Variants in PTX3 observed in about 807,000 individuals in gnomAD.
PTX3 encodes the protein pentraxin 3, also known as pentraxin-related protein PTX3.
A neutral mutation model predicts 23.5 loss-of-function variants in PTX3; 24 were observed. The ratio of observed to expected loss-of-function variants is 1.02; its 90% confidence interval spans 0.74 to 1.43. The LOEUF is 1.43. Among genes scored for constraint, PTX3 ranks in the 40% most tolerant of loss-of-function variants. The pLI is 0.00. For missense variants in PTX3, 510 were observed against 497.5 expected, an observed-to-expected ratio of 1.02 and a Z score of -0.24; for synonymous variants, 218 against 205.4, an observed-to-expected ratio of 1.06 and a Z score of -0.53.
Position 157,442,573 on chromosome 3 carries a change from T to G in PTX3, c.740T>G (p.Phe247Cys), listed in dbSNP as rs963132311. ...TATCTCAGCTACCAATCCATAGTGT[T>G]TGTGGTGGGTGGAGAGGAGAACAAA... is the stretch of plus-strand genomic sequence containing the variant. Reference protein sequence around the residue: ...QLYLSYQSIVFVVGGEENKLV... With the variant: ...QLYLSYQSIVCVVGGEENKLV... The change falls in exon 3 of 3, where the codon TTT becomes TGT. Residue 247 changes from phenylalanine (F) to cysteine (C), a missense_variant. By Grantham distance (205) the Phe-to-Cys change is radical. Coordinates refer to ENST00000295927, the MANE Select transcript of PTX3 (RefSeq NM_002852.4). The G allele has an allele frequency of 5.6e-6, 9 of 1,614,066 alleles. No individual in the cohort carries two copies. In the African/African-American group the frequency reaches 1.2e-4, roughly 22 times the overall value.
In PTX3 at chr3:157,437,748, G is replaced by A; in HGVS notation, c.366G>A (p.Gln122=). 1 of 1,493,146 alleles carries A rather than the reference G, an allele frequency of 6.7e-7. No homozygotes were observed. The highest frequency in any genetic ancestry group is 8.8e-7 in the Non-Finnish European group (1 of 1,131,346). The allele number at this position is 1,493,146 out of a possible 1,614,324, so 92.5% of individuals were successfully genotyped here. The change falls in exon 2 of 3, where the codon CAG becomes CAA. Residue 122 remains glutamine (Q), a synonymous_variant. Coordinates refer to ENST00000295927, the MANE Select transcript of PTX3 (RefSeq NM_002852.4). ...RLTSALDELL[Q]ATRDAGRRLA... Reference sequence around the variant, plus strand: ...CCAGTGCTCTGGACGAGCTGCTGCAGGCGACCCGCGACGCGGGCCGCAGGC... The same window carrying A: ...CCAGTGCTCTGGACGAGCTGCTGCAAGCGACCCGCGACGCGGGCCGCAGGC...
At chr3:157,438,694 A>C (rs1458610446) in intron 2 of PTX3, among the ~76,000 whole-genome samples, 1 of 152,208 alleles carries the variant, frequency 6.6e-6, no homozygotes, top group African/African-American at 2.4e-5. Flanking sequence ...GCAACTTCTC[A>C]AAGTCCCATG....
At chr3:157,437,132 C>G (rs1023946004) in intron 1 of PTX3, 69 bp downstream of exon 1, 1 of 1,559,912 alleles carries the variant, frequency 6.4e-7, no homozygotes, top group Non-Finnish European at 8.8e-7. Context: ...AAATAACACA[C>G]ATATACTTTG....
chr3:157,440,743 A>G (rs1734054411), intron 2 of PTX3, among the ~76,000 whole-genome samples: 1 of 152,070 alleles, frequency 6.6e-6, no homozygotes, highest in African/African-American at 2.4e-5. Flanking sequence ...AGGGACACGT[A>G]AAAGGTTTTC....
At chr3:157,437,144 G>C (rs1733662025) in intron 1 of PTX3, 81 bp downstream of exon 1, 1 of 1,531,784 alleles carries the variant, frequency 6.5e-7, no homozygotes, top group Non-Finnish European at 8.9e-7. Context: ...TATACTTTGT[G>C]GCCAGTGAGA....
At chr3:157,438,029 GCGCGCGCGCA>G (rs1279332331) in intron 2 of PTX3, 115 bp downstream of exon 2, 60 of 844,928 alleles carry the variant, frequency 7.1e-5, no homozygotes, top group African/African-American at 1.7e-4. Context: ...AAGCGCGCGC[GCGCGCGCGCA>G]CACACACACA....
rs1734303211 is a variant in PTX3 at position 157,443,504 on chromosome 3, A to G, written c.*525A>G. 1 of 153,060 alleles carries G rather than the reference A, an allele frequency of 6.5e-6. No homozygotes were observed. 9.5% of individuals were successfully genotyped at this position (153,060 alleles called of 1,614,324 possible). A position where few individuals can be genotyped will look rare whatever the true frequency, so the allele number is the denominator to read the frequency against. On this transcript the variant is annotated 3_prime_UTR_variant, in exon 3 of 3. Transcript: ENST00000295927. ...GTCACGTTTTTGAGAAGATAGTCATATAAGTTATATTGCAAAAGGGATTTG... is the reference window on the plus strand; with the variant it reads ...GTCACGTTTTTGAGAAGATAGTCATGTAAGTTATATTGCAAAAGGGATTTG...
chr3:157,440,631 T>C (rs1734044240), intron 2 of PTX3, among the ~76,000 whole-genome samples: 1 of 151,934 alleles, frequency 6.6e-6, no homozygotes, highest in South Asian at 2.1e-4. Context: ...TATGTATGTA[T>C]ACATACATAC....
At position 157,437,866 on chromosome 3, in the gene PTX3, G is replaced by C. The variant is rs777214761; in HGVS notation, c.484G>C (p.Asp162His). 3.3e-6 allele frequency: 5 copies of C among 1,502,764 alleles called. No individual in the cohort carries two copies. Among genetic ancestry groups the C allele is most frequent in the Non-Finnish European group, 4.4e-6 (5 of 1,134,840 alleles). The allele number at this position is 1,502,764 out of a possible 1,614,324, so 93.1% of individuals were successfully genotyped here. A position where few individuals can be genotyped will look rare whatever the true frequency, so the allele number is the denominator to read the frequency against. ...VLEELRQTRA[D>H]LHAVQGWAAR... ...AGAGGAGCTGCGGCAGACGCGAGCCGACCTGCACGCGGTGCAGGGCTGGGC... is the reference window on the plus strand; with the variant it reads ...AGAGGAGCTGCGGCAGACGCGAGCCCACCTGCACGCGGTGCAGGGCTGGGC... Residue 162 changes from aspartate (D) to histidine (H), a missense_variant, in exon 2 of 3, where the codon GAC becomes CAC. By Grantham distance (81) the Asp-to-His change is moderately conservative (BLOSUM62 -1). Transcript: ENST00000295927.
rs2109184035 is a variant in PTX3, at chr3:157,437,016, T to C, written c.83T>C (p.Val28Ala). 6.2e-7 allele frequency: 1 copy of C among 1,614,050 alleles called. No individual in the cohort carries two copies. Among genetic ancestry groups the C allele is most frequent in the Non-Finnish European group, 8.5e-7 (1 of 1,179,936 alleles). ...TCGGATGATTATGATCTCATGTATG[T>C]GAATTTGGACAACGAAATAGACAAT... ...ENSDDYDLMY[V>A]NLDNEIDNGL... Residue 28 changes from valine (V) to alanine (A), a missense_variant, in exon 1 of 3, where the codon GTG (valine) becomes GCG (alanine). Coordinates refer to ENST00000295927, the MANE Select transcript of PTX3 (RefSeq NM_002852.4).
chr3:157,442,990 A>G lies in PTX3; in HGVS notation c.*11A>G. 1 of 1,576,032 alleles carries G rather than the reference A, an allele frequency of 6.3e-7. No individual in the cohort carries two copies. The highest frequency in any genetic ancestry group is 1.4e-5 in the African/African-American group (1 of 73,176). ...CAGTATGTTTCATAAATGTTGTGAAACTCCACTTGAAGCCAAAGAAAGAAA... is the reference window on the plus strand; with the variant it reads ...CAGTATGTTTCATAAATGTTGTGAAGCTCCACTTGAAGCCAAAGAAAGAAA... On this transcript the variant is annotated 3_prime_UTR_variant, in exon 3 of 3. Transcript: ENST00000295927.
chr3:157,438,057 A>ACACC, intron 2 of PTX3, 143 bp downstream of exon 2: 1 of 744,654 alleles, frequency 1.3e-6, no homozygotes, highest in Non-Finnish European at 2.1e-6. Context: ...ACACACACAC[A>ACACC]CACACACACA....
intron 2 of PTX3, among the ~76,000 whole-genome samples, chr3:157,438,770 A>G (rs1053852322): frequency 1.3e-5 from 2 of 152,248 alleles, no homozygotes; most frequent in African/African-American, 4.8e-5. Flanking sequence ...GATGGTTAAA[A>G]GAAAGAAATA....
At position 157,442,734 on chromosome 3, in the gene PTX3, A is replaced by T. The variant is rs1249409162; in HGVS notation, c.901A>T (p.Ile301Phe). The T allele has an allele frequency of 6.2e-7, 1 of 1,614,102 alleles. No individual in the cohort carries two copies. The highest frequency in any genetic ancestry group is 8.5e-7 in the Non-Finnish European group (1 of 1,180,044). ...ATTVEMATGH[I>F]VPEGGILQIG... Reference sequence around the variant, plus strand: ...CACTGTTGAGATGGCCACAGGTCACATTGTTCCTGAGGGAGGAATCCTGCA... The same window carrying T: ...CACTGTTGAGATGGCCACAGGTCACTTTGTTCCTGAGGGAGGAATCCTGCA... Residue 301 changes from isoleucine (I) to phenylalanine (F), a missense_variant, in exon 3 of 3, where the codon ATT (isoleucine) becomes TTT (phenylalanine). Ile to Phe is a conservative substitution (Grantham distance 21). Transcript: ENST00000295927.
Position 157,436,999 on chromosome 3 carries a change from T to C in PTX3, c.66T>C (p.Asp22=), listed in dbSNP as rs1420086056. 1 of 1,613,928 alleles carries C rather than the reference T, an allele frequency of 6.2e-7. No homozygotes were observed. Among genetic ancestry groups the C allele is most frequent in the African/African-American group, 1.3e-5 (1 of 74,912 alleles). The change falls in exon 1 of 3, where the codon GAT becomes GAC. Residue 22 remains aspartate (D), a synonymous_variant. Transcript: ENST00000295927. ...CAGTGTTGGCCGAGAACTCGGATGATTATGATCTCATGTATGTGAATTTGG... is the reference window on the plus strand; with the variant it reads ...CAGTGTTGGCCGAGAACTCGGATGACTATGATCTCATGTATGTGAATTTGG... The part of the protein sequence containing the change: ...WSAVLAENSD[D]YDLMYVNLDN...
chr3:157,441,043 T>C (rs1027635056), intron 2 of PTX3, among the ~76,000 whole-genome samples: 13 of 152,226 alleles, frequency 8.5e-5, no homozygotes, highest in African/African-American at 3.1e-4. Flanking sequence ...TGCAGAATAT[T>C]AGGAGCAGAA....
In PTX3 at chr3:157,437,078, A is replaced by T. The variant is rs200624282; in HGVS notation, c.130+15A>T. On this transcript the variant is annotated intron_variant, in intron 1 of 2. Coordinates refer to ENST00000295927, the MANE Select transcript of PTX3 (RefSeq NM_002852.4). ...CACTGAGGACCGTAAGTTCACTTTA[A>T]CTGTTTCTCTGCTAACCCTGACTAC... 4.0e-5 allele frequency: 64 copies of T among 1,612,806 alleles called. No individual in the cohort carries two copies. Among genetic ancestry groups the T allele is most frequent in the Non-Finnish European group, 1.7e-6 (2 of 1,179,030 alleles).
chr3:157,441,545 C>T (rs890090662), intron 2 of PTX3, among the ~76,000 whole-genome samples: 4 of 152,074 alleles, frequency 2.6e-5, no homozygotes, highest in East Asian at 3.9e-4. Flanking sequence ...TGTGGTGGCT[C>T]ATGCCTGTAA....
chr3:157,438,035 GCGCACACACACACA>G, intron 2 of PTX3, 121 bp downstream of exon 2: 4 of 701,792 alleles, frequency 5.7e-6, no homozygotes, highest in South Asian at 5.7e-5. Flanking sequence ...GCGCGCGCGC[GCGCACACACACACA>G]CACACACACA....
Sources: allele counts gnomAD v4.1 joint callset (sites outside exome capture counted in the v4.1 genomes callset), GRCh38; gene constraint gnomAD v4.1.1; transcripts MANE v1.5; gene names NCBI Gene and HGNC (gene_info 2026-07-23, HGNC 2026-07-21).